Variants in USP16 observed in about 807,000 individuals in gnomAD.
USP16 encodes ubiquitin specific peptidase 16.
USP16 carries 77 observed loss-of-function variants against 95.9 expected under a neutral mutation model. The ratio of observed to expected loss-of-function variants is 0.80; its 90% CI spans 0.67 to 0.97. The LOEUF is 0.97. Ranked by LOEUF, USP16 falls within the 50% of genes least tolerant of loss-of-function variation. USP16 has a pLI of 0.00. For missense variants in USP16, 943 were observed against 959.9 expected, an observed-to-expected ratio of 0.98 and a Z score of 0.23; for synonymous variants, 303 against 318.2, an observed-to-expected ratio of 0.95 and a Z score of 0.51.
At position 29,048,744 on chromosome 21, in the gene USP16, TTTC is replaced by T. The variant is rs779042233; in HGVS notation, c.2012-11_2012-9del. The stretch of plus-strand genomic sequence containing the variant: ...AAAATGATTTTCTCCCTGTTAAAAA[TTTC>T]TTCTTTTCTTTAGGTGAAAGGAAGC... On this transcript the variant is annotated splice_polypyrimidine_tract_variant and intron_variant, in intron 14 of 17. Transcript: ENST00000399976. 2.6e-5 allele frequency: 41 copies of T among 1,602,886 alleles called. No homozygotes were observed. The highest frequency in any genetic ancestry group is 1.0e-4 in the Admixed American group (6 of 59,012).
At chr21:29,043,703 C>G (rs1227736981) in intron 13 of USP16, 104 bp downstream of exon 13, 5 of 1,047,318 alleles carry the variant, frequency 4.8e-6, no homozygotes, top group Non-Finnish European at 5.1e-6. Flanking sequence ...ATTTTAGATA[C>G]AGCACTTTCA....
At chr21:29,041,375 T>C (rs1402166205) in intron 10 of USP16, among the ~76,000 whole-genome samples, 1 of 152,152 alleles carries the variant, frequency 6.6e-6, no homozygotes, top group African/African-American at 2.4e-5. Context: ...GAATAATGCT[T>C]ATAGGTTTCA....
At chr21:29,052,523 C>T (rs2085431175) in intron 16 of USP16, 1 of 152,150 alleles carries the variant, frequency 6.6e-6, no homozygotes, top group Non-Finnish European at 1.5e-5. Flanking sequence ...AGACCTGCTC[C>T]CATGATTCAG....
At chr21:29,047,909 C>T (rs1460848672) in intron 14 of USP16, among the ~76,000 whole-genome samples, 2 of 149,508 alleles carry the variant, frequency 1.3e-5, no homozygotes, top group East Asian at 3.9e-4. Context: ...AAAAGTAAGC[C>T]TGTGTGTGTG....
In USP16 at chr21:29,054,363, A is replaced by G; in HGVS notation, c.*176A>G. The G allele has an allele frequency of 1.2e-6, 1 of 848,490 alleles. No individual in the cohort carries two copies. Among genetic ancestry groups the G allele is most frequent in the Non-Finnish European group, 1.7e-6 (1 of 573,758 alleles). 52.6% of individuals were successfully genotyped at this position (848,490 alleles called of 1,614,324 possible). A position where few individuals can be genotyped will look rare whatever the true frequency, so the allele number is the denominator to read the frequency against. ...ACCTAAAAATGTACAAAGGTTTTAT[A>G]TTGTCATAGTGGTTTTTATTCCTGC... On this transcript the variant is annotated 3_prime_UTR_variant, in exon 18 of 18. Transcript: ENST00000399976.
intron 12 of USP16, chr21:29,042,807 C>G (rs1235291293): frequency 3.7e-6 from 1 of 273,242 alleles, no homozygotes; most frequent in African/African-American, 2.2e-5. Flanking sequence ...AAAATTAATA[C>G]TTATTTTTGT....
At chr21:29,047,606 C>T (rs1196668458) in intron 14 of USP16, among the ~76,000 whole-genome samples, 1 of 152,128 alleles carries the variant, frequency 6.6e-6, no homozygotes, top group Non-Finnish European at 1.5e-5. Context: ...CACATAGTGG[C>T]TATTTTTTTC....
Position 29,050,185 on chromosome 21 carries a change from C to T in USP16, c.2193+7C>T, listed in dbSNP as rs750142940. On this transcript the variant is annotated splice_region_variant and intron_variant, in intron 16 of 17. Coordinates refer to ENST00000399976, the MANE Select transcript of USP16 (RefSeq NM_006447.3). ...TTGCACCCTTAAATGTAAGGTAAGT[C>T]AAAGTGGTCTTTTTCAGGAAAGTCC... 16 of 1,610,742 alleles carry T rather than the reference C, an allele frequency of 9.9e-6. No individual in the cohort carries two copies. Among genetic ancestry groups the T allele is most frequent in the Non-Finnish European group, 1.3e-5 (15 of 1,179,226 alleles).
intron 13 of USP16, among the ~76,000 whole-genome samples, chr21:29,045,302 C>G (rs1449644067): frequency 6.6e-6 from 1 of 152,136 alleles, no homozygotes; most frequent in South Asian, 2.1e-4. Context: ...TCAGTTCTTT[C>G]TGTTACAACC....
chr21:29,046,368 C>T (rs1401215543), intron 13 of USP16, among the ~76,000 whole-genome samples: 1 of 151,936 alleles, frequency 6.6e-6, no homozygotes, highest in Non-Finnish European at 1.5e-5. Context: ...TCCCAAACTC[C>T]TCAAGTGATC....
intron 13 of USP16, among the ~76,000 whole-genome samples, chr21:29,045,216 A>G (rs2085304980): frequency 6.6e-6 from 1 of 152,138 alleles, no homozygotes; most frequent in Non-Finnish European, 1.5e-5. Context: ...ACACATCAGA[A>G]AATGTTTGGT....
Position 29,039,105 on chromosome 21 carries a change from C to G in USP16, c.812C>G (p.Thr271Ser). The change falls in exon 8 of 18, where the codon ACC becomes AGC. Residue 271 changes from threonine to serine, a missense_variant. Coordinates refer to ENST00000399976, the MANE Select transcript of USP16 (RefSeq NM_006447.3). ...CAGTTTCTTAATGAGATGCAAGAGA[C>G]CAAAAAGGGGGTTGTGACACCGAAA... Reference protein sequence around the residue: ...MSQFLNEMQETKKGVVTPKEL... With the variant: ...MSQFLNEMQESKKGVVTPKEL... 6.3e-7 allele frequency: 1 copy of G among 1,584,982 alleles called. No individual in the cohort carries two copies. Among genetic ancestry groups the G allele is most frequent in the Non-Finnish European group, 8.6e-7 (1 of 1,163,834 alleles).
intron 16 of USP16, chr21:29,052,013 T>A (rs1205675621): frequency 6.6e-6 from 1 of 152,168 alleles, no homozygotes; most frequent in Non-Finnish European, 1.5e-5. Flanking sequence ...ATTATAGGAT[T>A]CAGGGTGAGG....
chr21:29,054,439 A>G lies in USP16; in HGVS notation c.*252A>G, dbSNP rs140500662. ...ATTACTTAAGTACTTTGTGTTTAATATATCTGGGTGATGGATCACAACACA... is the reference window on the plus strand; with the variant it reads ...ATTACTTAAGTACTTTGTGTTTAATGTATCTGGGTGATGGATCACAACACA... On this transcript the variant is annotated 3_prime_UTR_variant, in exon 18 of 18. Transcript: ENST00000399976. 134 of 459,078 alleles carry G rather than the reference A, an allele frequency of 2.9e-4. 1 individual carries two copies. The highest frequency in any genetic ancestry group is 2.4e-3 in the African/African-American group (121 of 50,908). 28.4% of individuals were successfully genotyped at this position (459,078 alleles called of 1,614,324 possible).
At chr21:29,046,255 A>G (rs1371540690) in intron 13 of USP16, among the ~76,000 whole-genome samples, 1 of 152,126 alleles carries the variant, frequency 6.6e-6, no homozygotes, top group Non-Finnish European at 1.5e-5. Context: ...TCCCACCTCA[A>G]CCTGCTGAAT....
At chr21:29,041,422 A>G (rs2085241575) in intron 10 of USP16, among the ~76,000 whole-genome samples, 1 of 152,188 alleles carries the variant, frequency 6.6e-6, no homozygotes, top group Non-Finnish European at 1.5e-5. Flanking sequence ...TAGTAAAATT[A>G]TGGCTTTTAG....
intron 10 of USP16, 82 bp from the exon 11 acceptor site, chr21:29,041,931 A>G (rs1601060836): frequency 9.4e-7 from 1 of 1,068,828 alleles, no homozygotes; most frequent in Non-Finnish European, 1.4e-6. Flanking sequence ...TTAGAGTTAG[A>G]TAGGTAAGTA....
Position 29,048,473 on chromosome 21 carries a change from C to G in USP16, c.2012-288C>G, listed in dbSNP as rs73344762. On this transcript the variant is annotated intron_variant, in intron 14 of 17. Coordinates refer to ENST00000399976, the MANE Select transcript of USP16 (RefSeq NM_006447.3). The stretch of plus-strand genomic sequence containing the variant: ...AACCTCATTAACCAAAATATTGTGT[C>G]TCTCCACAGTAATTCAATTTTGCTC... 8.9e-3 allele frequency among the ~76,000 whole-genome samples: 1,350 copies of G among 152,282 alleles called. 29 individuals carry two copies. Among genetic ancestry groups the G allele is most frequent in the African/African-American group, 0.031 (1,293 of 41,558 alleles).
intron 3 of USP16, among the ~76,000 whole-genome samples, chr21:29,034,307 T>C (rs867105584): frequency 5.8e-4 from 88 of 151,824 alleles, no homozygotes; most frequent in African/African-American, 1.9e-3. Flanking sequence ...GTTTTCTTTT[T>C]TTTTTTTTTT....
Sources: allele counts gnomAD v4.1 joint callset (sites outside exome capture counted in the v4.1 genomes callset), GRCh38; gene constraint gnomAD v4.1.1; transcripts MANE v1.5; gene names NCBI Gene and HGNC (gene_info 2026-07-23, HGNC 2026-07-21).